KCNMA1: variants seen among roughly 807,000 people sequenced by gnomAD.
KCNMA1 encodes the protein Calcium-activated potassium channel subunit alpha-1.
A neutral mutation model predicts 140.0 loss-of-function variants in KCNMA1; 29 were observed. The observed-to-expected ratio is 0.21, with a 90% confidence interval of 0.15 to 0.28. KCNMA1 has a LOEUF of 0.28. Among genes scored for constraint, KCNMA1 ranks in the 10% least tolerant of loss-of-function variants. The probability of loss-of-function intolerance (pLI) is 1.00; values close to 1 mark genes in which losing one functional copy is unlikely to be tolerated. For missense variants in KCNMA1, 880 were observed against 1,602.2 expected, an observed-to-expected ratio of 0.55 and a Z score of 7.70; for synonymous variants, 612 against 611.9, an observed-to-expected ratio of 1.00 and a Z score of 0.00.
Position 77,362,124 on chromosome 10 carries a change from C to T in KCNMA1, c.540+41738G>A, listed in dbSNP as rs560409709. Among the ~76,000 whole-genome samples the T allele has an allele frequency of 3.5e-4, 54 of 152,258 alleles. 1 individual carries two copies. The South Asian group carries it at 5.8e-3, about 16-fold the overall frequency. On this transcript the variant is annotated intron_variant, in intron 2 of 27. Transcript: ENST00000286628. The stretch of plus-strand genomic sequence containing the variant: ...AGGGGCTTCCAGATCGGTTGTCTCA[C>T]GCGAGGCTCCCAGCAGGCTGGAGGA...
At chr10:76,917,074 G>C (rs531706082) in intron 23 of KCNMA1, among the ~76,000 whole-genome samples, 1 of 152,052 alleles carries the variant, frequency 6.6e-6, no homozygotes, top group Non-Finnish European at 1.5e-5. Flanking sequence ...CCAAAAACAC[G>C]CATTTTTAAA....
At chr10:76,878,469 C>T (rs992151699) in intron 29 of KCNMA1, among the ~76,000 whole-genome samples, 2 of 152,156 alleles carry the variant, frequency 1.3e-5, no homozygotes. Flanking sequence ...GGGGTCTAAA[C>T]TAAACCCATA....
At chr10:76,915,825 C>A (rs898510945) in intron 23 of KCNMA1, among the ~76,000 whole-genome samples, 1 of 152,070 alleles carries the variant, frequency 6.6e-6, no homozygotes, top group Admixed American at 6.6e-5. Context: ...GGAAGAGATT[C>A]TCTTTTAATT....
intron 1 of KCNMA1, chr10:77,586,905 T>C (rs1029300884): frequency 8.5e-5 from 13 of 152,226 alleles, no homozygotes; most frequent in Non-Finnish European, 1.3e-4. Context: ...CTCTTTCCAT[T>C]ACATACAGCC....
At chr10:77,463,007 G>T (rs1211867346) in intron 1 of KCNMA1, among the ~76,000 whole-genome samples, 1 of 152,180 alleles carries the variant, frequency 6.6e-6, no homozygotes, top group African/African-American at 2.4e-5. Context: ...GATGGCTGAA[G>T]GTCCTCCTGG....
At chr10:77,336,435 A>C (rs2154371128) in intron 2 of KCNMA1, among the ~76,000 whole-genome samples, 1 of 152,266 alleles carries the variant, frequency 6.6e-6, no homozygotes, top group African/African-American at 2.4e-5. Flanking sequence ...AATGCTTAAA[A>C]AAAAAAAAGA....
chr10:77,258,819 T>C (rs1173798689), intron 2 of KCNMA1, among the ~76,000 whole-genome samples: 1 of 151,972 alleles, frequency 6.6e-6, no homozygotes, highest in Non-Finnish European at 1.5e-5. Context: ...AGAAATTAGC[T>C]GGGTGTGGTG....
At chr10:77,394,017 C>T (rs7913206) in intron 2 of KCNMA1, among the ~76,000 whole-genome samples, 2,655 of 152,324 alleles carry the variant, frequency 0.017, 71 homozygotes, top group African/African-American at 0.054. Context: ...CAATCAATGT[C>T]GGTGGATCAC....
intron 2 of KCNMA1, among the ~76,000 whole-genome samples, chr10:77,297,777 CTCCTT>C (rs2075563937): frequency 6.6e-6 from 1 of 152,188 alleles, no homozygotes; most frequent in South Asian, 2.1e-4. Context: ...TCCCATTCCT[CTCCTT>C]ACTCCCAAGA....
chr10:76,913,936 C>A (rs910504858), intron 24 of KCNMA1: 3 of 702,660 alleles, frequency 4.3e-6, no homozygotes, highest in Non-Finnish European at 4.9e-6. Flanking sequence ...ACATTCAAAG[C>A]AGTGCCATGG....
At chr10:76,954,026 G>A (rs1030490946) in intron 20 of KCNMA1, 102 bp from the exon 21 acceptor site, 2 of 1,335,086 alleles carry the variant, frequency 1.5e-6, no homozygotes, top group Middle Eastern at 1.9e-4. Context: ...AGATGCAGAG[G>A]AAGTGGTTGT....
intron 1 of KCNMA1, among the ~76,000 whole-genome samples, chr10:77,585,312 GTC>G (rs1447678608): frequency 6.6e-6 from 1 of 152,204 alleles, no homozygotes; most frequent in Non-Finnish European, 1.5e-5. Flanking sequence ...AACTTAAAAT[GTC>G]TGTTTCCTCT....
At chr10:77,624,555 C>T (rs1394945497) in intron 1 of KCNMA1, among the ~76,000 whole-genome samples, 2 of 152,150 alleles carry the variant, frequency 1.3e-5, no homozygotes, top group Admixed American at 1.3e-4. Context: ...AGAACAAGAA[C>T]TTCTCCCTGG....
At chr10:76,931,346 A>G (rs561721854) in intron 23 of KCNMA1, among the ~76,000 whole-genome samples, 21 of 152,122 alleles carry the variant, frequency 1.4e-4, no homozygotes, top group Non-Finnish European at 2.8e-4. Context: ...TAGGGTAGAC[A>G]AAACTCTTAA....
At chr10:77,597,804 C>T (rs1191450642) in intron 1 of KCNMA1, among the ~76,000 whole-genome samples, 1 of 152,182 alleles carries the variant, frequency 6.6e-6, no homozygotes, top group Non-Finnish European at 1.5e-5. Flanking sequence ...ATATGGCTTT[C>T]TCCCAAGTTC....
At chr10:77,179,267 T>C (rs897996695) in intron 5 of KCNMA1, among the ~76,000 whole-genome samples, 4 of 151,916 alleles carry the variant, frequency 2.6e-5, no homozygotes, top group Non-Finnish European at 4.4e-5. Context: ...GTGGACTGAG[T>C]TGGTGGAGCT....
At chr10:77,284,549 T>C (rs1051706970) in intron 2 of KCNMA1, among the ~76,000 whole-genome samples, 1 of 152,148 alleles carries the variant, frequency 6.6e-6, no homozygotes, top group Non-Finnish European at 1.5e-5. Flanking sequence ...TGTCTCTCTA[T>C]GTTGCCCAGG....
At chr10:77,273,915 T>C (rs186487104) in intron 2 of KCNMA1, among the ~76,000 whole-genome samples, 3 of 152,264 alleles carry the variant, frequency 2.0e-5, no homozygotes, top group African/African-American at 4.8e-5. Flanking sequence ...TTCTAGAAAT[T>C]AGTTATGAAA....
At chr10:77,346,083 T>G (rs975573078) in intron 2 of KCNMA1, among the ~76,000 whole-genome samples, 1 of 152,218 alleles carries the variant, frequency 6.6e-6, no homozygotes, top group African/African-American at 2.4e-5. Context: ...GTTGCTTTAA[T>G]TGAACAGTGG....
Sources: allele counts gnomAD v4.1 joint callset (sites outside exome capture counted in the v4.1 genomes callset), GRCh38; gene constraint gnomAD v4.1.1; transcripts MANE v1.5; gene names NCBI Gene and HGNC (gene_info 2026-07-23, HGNC 2026-07-21).